Variants in DDX4 observed in about 807,000 individuals in gnomAD.
The protein encoded by DDX4 is DEAD-box helicase 4.
Under a neutral mutation model 100.0 loss-of-function variants are expected in DDX4, and 25 were observed. The ratio of observed to expected loss-of-function variants is 0.25; its 90% CI spans 0.18 to 0.35. The LOEUF is 0.35. Ranked by LOEUF, DDX4 falls within the 10% of genes least tolerant of loss-of-function variation. The pLI is 1.00. For synonymous variants in DDX4, 259 were observed against 275.7 expected (o/e 0.94, Z 0.60); for missense variants, 635 against 882.4 (o/e 0.72, Z 3.55).
intron 3 of DDX4, among the ~76,000 whole-genome samples, chr5:55,747,589 CATAAG>C (rs569910903): frequency 6.3e-4 from 96 of 152,258 alleles, no homozygotes; most frequent in African/African-American, 2.2e-3. Context: ...ATGAAGTATA[CATAAG>C]ATTTACCATT....
At chr5:55,768,897 T>G (rs1741092848) in intron 7 of DDX4, among the ~76,000 whole-genome samples, 1 of 152,242 alleles carries the variant, frequency 6.6e-6, no homozygotes, top group Non-Finnish European at 1.5e-5. Context: ...GAGCATTTTT[T>G]CATCTGCCTG....
intron 16 of DDX4, 105 bp from the exon 17 acceptor site, chr5:55,792,535 AT>A (rs11445701): frequency 0.16 from 74,205 of 452,922 alleles, 1,364 homozygotes; most frequent in East Asian, 0.2. Context: ...AATTTTTTGT[AT>A]TTTTTTTTTT....
Position 55,786,820 on chromosome 5 carries a change from G to C in DDX4, c.1017+150G>C, listed in dbSNP as rs1430550998. 3.2e-5 allele frequency: 21 copies of C among 652,174 alleles called. No individual in the cohort carries two copies. The Admixed American group carries it at 4.3e-4, about 13-fold the overall frequency. The allele number at this position is 652,174 out of a possible 1,614,324, so 40.4% of individuals were successfully genotyped here. A position where few individuals can be genotyped will look rare whatever the true frequency, so the allele number is the denominator to read the frequency against. On this transcript the variant is annotated intron_variant, in intron 14 of 21. Transcript: ENST00000505374. ...ATGGTTTTGCTTCTGATTTTTATTAGGATTTGTGTACTTCGGAAGAAAGAA... is the reference window on the plus strand; with the variant it reads ...ATGGTTTTGCTTCTGATTTTTATTACGATTTGTGTACTTCGGAAGAAAGAA...
chr5:55,806,365 A>G (rs532181457), intron 18 of DDX4, among the ~76,000 whole-genome samples: 1 of 152,032 alleles, frequency 6.6e-6, no homozygotes, highest in Non-Finnish European at 1.5e-5. Flanking sequence ...GCCATCTGCT[A>G]GCTTTTGAAT....
At chr5:55,769,467 C>T (rs1437963817) in intron 7 of DDX4, among the ~76,000 whole-genome samples, 1 of 151,892 alleles carries the variant, frequency 6.6e-6, no homozygotes, top group African/African-American at 2.4e-5. Context: ...TGATTTTATA[C>T]CTAGAAAACC....
chr5:55,765,892 C>T (rs890950719), intron 6 of DDX4, among the ~76,000 whole-genome samples: 16 of 151,984 alleles, frequency 1.1e-4, no homozygotes, highest in Admixed American at 2.6e-4. Context: ...GCAACCTCTG[C>T]GTCCAGGGTT....
chr5:55,766,329 A>G (rs186330465), intron 6 of DDX4, among the ~76,000 whole-genome samples: 76 of 151,848 alleles, frequency 5.0e-4, no homozygotes, highest in Admixed American at 4.7e-3. Context: ...AATGTTTTCT[A>G]TTTTTATTCC....
chr5:55,808,736 G>T (rs190232005), intron 18 of DDX4, among the ~76,000 whole-genome samples: 2 of 152,366 alleles, frequency 1.3e-5, no homozygotes, highest in Admixed American at 1.3e-4. Flanking sequence ...TACTGGGGGT[G>T]CCTCCCAGTT....
chr5:55,741,901 C>A (rs543956271), intron 2 of DDX4, among the ~76,000 whole-genome samples: 130 of 152,038 alleles, frequency 8.6e-4, no homozygotes, highest in Non-Finnish European at 1.5e-3. Flanking sequence ...TTTGTTCTAA[C>A]TGAATTTGGT....
At chr5:55,743,452 C>T (rs973691547) in intron 2 of DDX4, among the ~76,000 whole-genome samples, 1 of 152,078 alleles carries the variant, frequency 6.6e-6, no homozygotes, top group African/African-American at 2.4e-5. Flanking sequence ...TTTTTTGAGA[C>T]AGAGACTTGT....
chr5:55,740,366 C>T (rs1758907496), intron 2 of DDX4, among the ~76,000 whole-genome samples: 1 of 151,902 alleles, frequency 6.6e-6, no homozygotes, highest in Non-Finnish European at 1.5e-5. Flanking sequence ...GGGGTTTCCC[C>T]ATGTTGGCCA....
intron 3 of DDX4, among the ~76,000 whole-genome samples, chr5:55,746,589 A>G (rs1409082674): frequency 6.6e-6 from 1 of 152,234 alleles, no homozygotes; most frequent in African/African-American, 2.4e-5. Flanking sequence ...TGTCAGGATA[A>G]TAACTGTTTA....
intron 17 of DDX4, among the ~76,000 whole-genome samples, chr5:55,796,623 C>T (rs984789753): frequency 6.6e-6 from 1 of 152,046 alleles, no homozygotes; most frequent in South Asian, 2.1e-4. Context: ...TACCTGGAGT[C>T]GTGTGTTTCT....
At chr5:55,815,534 G>C (rs540601906) in intron 21 of DDX4, 111 bp downstream of exon 21, 2 of 1,350,942 alleles carry the variant, frequency 1.5e-6, no homozygotes, top group Admixed American at 3.2e-5. Flanking sequence ...TTGTTTTCGT[G>C]CCTGGAAGGT....
At position 55,804,135 on chromosome 5, in the gene DDX4, T is replaced by C. The variant is rs530491326; in HGVS notation, c.1615+5564T>C. On this transcript the variant is annotated intron_variant, in intron 18 of 21. Transcript: ENST00000505374. ...TAAATGTCTTCTTTTGAGAAGTGTC[T>C]GTTCATGTCCTTTGCCCACTTTTTG... 2.6e-4 allele frequency among the ~76,000 whole-genome samples: 39 copies of C among 152,288 alleles called. No individual in the cohort carries two copies. The South Asian group carries it at 5.6e-3, about 22-fold the overall frequency.
chr5:55,790,545 A>G (rs1561505650), intron 15 of DDX4, 31 bp from the exon 16 acceptor site: 2 of 1,462,866 alleles, frequency 1.4e-6, no homozygotes, highest in Non-Finnish European at 9.4e-7. Flanking sequence ...TTAAGTAACT[A>G]GAAAATAACA....
In DDX4 at chr5:55,816,775, GTCTT is replaced by G; in HGVS notation, c.*240_*243del. 1.7e-6 allele frequency: 1 copy of G among 585,162 alleles called. No individual in the cohort carries two copies. The highest frequency in any genetic ancestry group is 4.5e-5 in the South Asian group (1 of 22,270). The allele number at this position is 585,162 out of a possible 1,614,324, so 36.2% of individuals were successfully genotyped here. A position where few individuals can be genotyped will look rare whatever the true frequency, so the allele number is the denominator to read the frequency against. ...CTGGGAATATTAAAGCATTCTAAAT[GTCTT>G]TCTTATTTCTGGTATATTCTTTAGG... is the stretch of plus-strand genomic sequence containing the variant. On this transcript the variant is annotated 3_prime_UTR_variant, in exon 22 of 22. Transcript: ENST00000505374.
At chr5:55,785,241 A>G in intron 10 of DDX4, 56 bp from the exon 11 acceptor site, 1 of 1,218,992 alleles carries the variant, frequency 8.2e-7, no homozygotes, top group East Asian at 2.3e-5. Flanking sequence ...AACGAAAATA[A>G]AGATGTGCAC....
At chr5:55,806,286 A>G (rs1356325581) in intron 18 of DDX4, among the ~76,000 whole-genome samples, 1 of 152,046 alleles carries the variant, frequency 6.6e-6, no homozygotes, top group East Asian at 1.9e-4. Flanking sequence ...TCCTGGATTC[A>G]TTGATTTTTT....
Sources: allele counts gnomAD v4.1 joint callset (sites outside exome capture counted in the v4.1 genomes callset), GRCh38; gene constraint gnomAD v4.1.1; transcripts MANE v1.5; gene names NCBI Gene and HGNC (gene_info 2026-07-23, HGNC 2026-07-21).